UFD1: variants seen among roughly 807,000 people sequenced by gnomAD.
The protein encoded by UFD1 is ubiquitin recognition factor in ER associated degradation 1, also known as ubiquitin recognition factor in ER-associated degradation protein 1.
A neutral mutation model predicts 45.9 loss-of-function variants in UFD1; 13 were observed. The ratio of observed to expected loss-of-function variants is 0.28; its 90% CI spans 0.18 to 0.45. The LOEUF is 0.45. UFD1 is among the 20% of genes least tolerant of loss of function. The probability of loss-of-function intolerance (pLI) is 1.00; values close to 1 mark genes in which losing one functional copy is unlikely to be tolerated. For synonymous variants in UFD1, 128 were observed against 139.2 expected, an observed-to-expected ratio of 0.92 and a Z score of 0.56; for missense variants, 218 against 389.2, an observed-to-expected ratio of 0.56 and a Z score of 3.70.
chr22:19,478,720 G>A, intron 1 of UFD1: 1 of 187,462 alleles, frequency 5.3e-6, no homozygotes, highest in Non-Finnish European at 8.5e-6. Flanking sequence ...TCCCTGGGGA[G>A]CGCCCTGATT....
In UFD1 at chr22:19,458,057, A is replaced by G. The variant is rs780643838; in HGVS notation, c.564+14T>C. 5 of 1,614,026 alleles carry G rather than the reference A, an allele frequency of 3.1e-6. No individual in the cohort carries two copies. In the South Asian group the frequency reaches 5.5e-5, roughly 18 times the overall value. On this transcript the variant is annotated intron_variant, in intron 7 of 11. Transcript: ENST00000263202. ...CAGGGCCCAGGCTCACTGTAACTGGACAGAGCCACTCACGTTCATGTCACA... is the reference window on the plus strand; with the variant it reads ...CAGGGCCCAGGCTCACTGTAACTGGGCAGAGCCACTCACGTTCATGTCACA...
chr22:19,471,377 A>T (rs1223542749), intron 4 of UFD1: 1 of 627,262 alleles, frequency 1.6e-6, no homozygotes, highest in Non-Finnish European at 3.0e-6. Flanking sequence ...CACCTAAAAA[A>T]TACTGTTGCT....
intron 3 of UFD1, among the ~76,000 whole-genome samples, chr22:19,472,146 A>C (rs1450971555): frequency 2.4e-5 from 1 of 42,262 alleles, no homozygotes; most frequent in Non-Finnish European, 4.8e-5. Flanking sequence ...ACCTTCCAAC[A>C]AAGAAAACCA....
intron 6 of UFD1, 110 bp from the exon 7 acceptor site, chr22:19,458,249 GC>G: frequency 8.9e-7 from 1 of 1,129,926 alleles, no homozygotes; most frequent in Non-Finnish European, 1.3e-6. Context: ...CAGCATTCAT[GC>G]CCATGACACA....
intron 11 of UFD1, chr22:19,454,127 A>AC (rs1310011504): frequency 1.0e-6 from 1 of 985,790 alleles, no homozygotes; most frequent in Non-Finnish European, 1.2e-6. Context: ...CACCCAGGGC[A>AC]CACAGTTCTG....
rs944990961 is a variant in UFD1 at position 19,456,598 on chromosome 22, G to A, written c.667C>T (p.Leu223=). 3 of 1,614,182 alleles carry A rather than the reference G, an allele frequency of 1.9e-6. No individual in the cohort carries two copies. Among genetic ancestry groups the A allele is most frequent in the Middle Eastern group, 1.6e-4 (1 of 6,062 alleles). The change falls in exon 9 of 12, where the codon CTG becomes TTG. Residue 223 remains leucine, a synonymous_variant. Coordinates refer to ENST00000263202, the MANE Select transcript of UFD1 (RefSeq NM_005659.7). ...EADHSGYAGE[L]GFRAFSGSGN... is the part of the protein sequence containing the mutation. ...GGTCTGGTACTCACGCGGAAGCCCAGCTCTCCAGCATAGCCACTGTGGTCG... is the reference window on the plus strand; with the variant it reads ...GGTCTGGTACTCACGCGGAAGCCCAACTCTCCAGCATAGCCACTGTGGTCG...
intron 4 of UFD1, 62 bp downstream of exon 4, chr22:19,471,625 G>T (rs1251906281): frequency 6.3e-7 from 1 of 1,587,180 alleles, no homozygotes; most frequent in South Asian, 1.1e-5. Context: ...CAGGACTCTC[G>T]AGTGCAGGAG....
chr22:19,465,424 A>C (rs2089795290), intron 5 of UFD1, 150 bp from the exon 6 acceptor site: 1 of 623,754 alleles, frequency 1.6e-6, no homozygotes, highest in Non-Finnish European at 2.8e-6. Flanking sequence ...ACTACTTGGC[A>C]ATAAAGAAGG....
intron 1 of UFD1, 70 bp downstream of exon 1, chr22:19,479,013 T>G: frequency 3.7e-4 from 259 of 694,262 alleles, no homozygotes; most frequent in Non-Finnish European, 5.5e-4. Context: ...CGCCCCGCCC[T>G]GCCCCGCCGG....
chr22:19,455,874 C>T, intron 9 of UFD1, 106 bp from the exon 10 acceptor site: 1 of 1,007,122 alleles, frequency 9.9e-7, no homozygotes, highest in Non-Finnish European at 1.5e-6. Context: ...CTGTGCAGAC[C>T]CCTTCAGGAC....
At chr22:19,460,175 T>C (rs1241148960) in intron 6 of UFD1, among the ~76,000 whole-genome samples, 1 of 152,200 alleles carries the variant, frequency 6.6e-6, no homozygotes, top group Non-Finnish European at 1.5e-5. Flanking sequence ...GGATCTGTCA[T>C]TGTGTGGATA....
rs2146285532 is a variant in UFD1, at chr22:19,452,956, GTGCCCA to G, written c.849+1787_849+1792del. On this transcript the variant is annotated intron_variant, in intron 11 of 11. Transcript: ENST00000263202. Reference sequence around the variant, plus strand: ...GTGAGCCCTTCAAATCTGCAAAATTGTGCCCATCTTTGGGGAAACTATTTCCCTGAT... The same window carrying G: ...GTGAGCCCTTCAAATCTGCAAAATTGTCTTTGGGGAAACTATTTCCCTGAT... 13 of 832,828 alleles carry G rather than the reference GTGCCCA, an allele frequency of 1.6e-5. No homozygotes were observed. In the South Asian group the frequency reaches 7.1e-4, roughly 45 times the overall value. The allele number at this position is 832,828 out of a possible 1,614,324, so 51.6% of individuals were successfully genotyped here. A position where few individuals can be genotyped will look rare whatever the true frequency, so the allele number is the denominator to read the frequency against.
In UFD1 at chr22:19,470,337, A is replaced by G. The variant is rs116958089; in HGVS notation, c.291+1350T>C. Among the ~76,000 whole-genome samples, 68 of 152,290 alleles carry G rather than the reference A, an allele frequency of 4.5e-4. No homozygotes were observed. The East Asian group carries it at 0.012, about 27-fold the overall frequency. Reference sequence around the variant, plus strand: ...ACACTGGCCAGGCCCAGACCTTGGGAAGGACCCTGGGACCCAGGCTGAAGA... The same window carrying G: ...ACACTGGCCAGGCCCAGACCTTGGGGAGGACCCTGGGACCCAGGCTGAAGA... On this transcript the variant is annotated intron_variant, in intron 4 of 11. Transcript: ENST00000263202.
intron 4 of UFD1, chr22:19,471,302 T>C: frequency 1.9e-6 from 1 of 532,286 alleles, no homozygotes; most frequent in South Asian, 1.4e-5. Context: ...AAAACATGTA[T>C]GCTGTGACAG....
intron 1 of UFD1, among the ~76,000 whole-genome samples, 192 bp from the exon 2 acceptor site, chr22:19,475,794 C>T (rs189748502): frequency 6.6e-6 from 1 of 152,288 alleles, no homozygotes; most frequent in African/African-American, 2.4e-5. Context: ...CAGGGCTATG[C>T]TCCCATCTTC....
Position 19,465,094 on chromosome 22 carries a change from G to C in UFD1, c.495+108C>G, listed in dbSNP as rs758469561. The C allele has an allele frequency of 1.1e-4, 111 of 1,013,102 alleles. 1 individual carries two copies. Among genetic ancestry groups the C allele is most frequent in the Non-Finnish European group, 1.6e-4 (101 of 650,706 alleles). The allele number at this position is 1,013,102 out of a possible 1,614,324, so 62.8% of individuals were successfully genotyped here. ...ATAACCAAACAGTAGGCAGTAATTA[G>C]GTGATAAGATCCAGGCATACGCTGC... On this transcript the variant is annotated intron_variant, in intron 6 of 11. Coordinates refer to ENST00000263202, the MANE Select transcript of UFD1 (RefSeq NM_005659.7).
In UFD1 at chr22:19,454,757, C is replaced by A. The variant is rs748889125; in HGVS notation, c.841G>T (p.Val281Phe). Residue 281 changes from valine to phenylalanine, a missense_variant, in exon 11 of 12, where the codon GTT becomes TTT. Around this residue, in one of 2 missense-constraint regions of UFD1, gnomAD observed 69 missense variants for 81.7 expected, o/e 0.84. Coordinates refer to ENST00000263202, the MANE Select transcript of UFD1 (RefSeq NM_005659.7). ...IRNSRPLVKKVEEDEAGGRFV... is the reference protein window; with the variant it reads ...IRNSRPLVKKFEEDEAGGRFV... ...CAAGGAAATACACTCACCTCTTCAA[C>A]CTTTTTGACAAGGGGACGTGAATTT... is the stretch of plus-strand genomic sequence containing the variant. 19 of 1,614,014 alleles carry A rather than the reference C, an allele frequency of 1.2e-5. No individual in the cohort carries two copies. Among genetic ancestry groups the A allele is most frequent in the Non-Finnish European group, 1.5e-5 (18 of 1,180,028 alleles).
chr22:19,454,676 C>T, intron 11 of UFD1, 73 bp downstream of exon 11: 1 of 1,608,396 alleles, frequency 6.2e-7, no homozygotes, highest in Non-Finnish European at 8.5e-7. Flanking sequence ...CTCAGAATGC[C>T]AAGAACTTCA....
chr22:19,471,960 C>T (rs750870412), intron 3 of UFD1, 152 bp from the exon 4 acceptor site: 132 of 1,096,288 alleles, frequency 1.2e-4, no homozygotes, highest in Non-Finnish European at 1.4e-4. Flanking sequence ...GCACAGTGCA[C>T]GGCTCAAGGA....
Sources: allele counts gnomAD v4.1 joint callset (sites outside exome capture counted in the v4.1 genomes callset), GRCh38; gene constraint gnomAD v4.1.1; regional missense constraint gnomAD v4.1.1; transcripts MANE v1.5; gene names NCBI Gene and HGNC (gene_info 2026-07-23, HGNC 2026-07-21).